Variants in C12orf56 observed in about 807,000 individuals in gnomAD.
The protein encoded by C12orf56 is chromosome 12 open reading frame 56, also known as uncharacterized protein C12orf56.
Under a neutral mutation model 69.9 loss-of-function variants are expected in C12orf56, and 71 were observed. The observed-to-expected ratio is 1.02, with a 90% CI of 0.84 to 1.24. C12orf56 has a LOEUF of 1.24. Ranked by LOEUF, C12orf56 falls within the 50% of genes most tolerant of loss-of-function variation. The probability of loss-of-function intolerance (pLI) is 0.00; values close to 1 mark genes in which losing one functional copy is unlikely to be tolerated. For missense variants in C12orf56, 732 were observed against 738.5 expected, an observed-to-expected ratio of 0.99 and a Z score of 0.10; for synonymous variants, 276 against 274.1, an observed-to-expected ratio of 1.01 and a Z score of -0.07.
intron 11 of C12orf56, among the ~76,000 whole-genome samples, chr12:64,270,926 G>T (rs1184101966): frequency 6.6e-6 from 1 of 152,162 alleles, no homozygotes; most frequent in Non-Finnish European, 1.5e-5. Context: ...CCAGCACTTT[G>T]GGAGACCAAG....
intron 3 of C12orf56, among the ~76,000 whole-genome samples, chr12:64,319,921 T>C (rs1472380574): frequency 6.6e-6 from 1 of 152,176 alleles, no homozygotes; most frequent in Admixed American, 6.5e-5. Context: ...ACTGTCTTTT[T>C]GTCTGTTTGT....
chr12:64,325,816 T>A (rs556182511), intron 3 of C12orf56, among the ~76,000 whole-genome samples: 1 of 151,698 alleles, frequency 6.6e-6, no homozygotes, highest in East Asian at 1.9e-4. Flanking sequence ...GAAAAAAGAG[T>A]TTCAATCTAC....
intron 1 of C12orf56, among the ~76,000 whole-genome samples, chr12:64,387,077 C>CAAAGAA (rs2039802855): frequency 2.4e-5 from 1 of 42,086 alleles, no homozygotes; most frequent in Non-Finnish European, 3.8e-5. Flanking sequence ...GACTCTATCT[C>CAAAGAA]AAAAAAAAAA....
intron 6 of C12orf56, among the ~76,000 whole-genome samples, chr12:64,300,693 G>A (rs1361789979): frequency 2.0e-5 from 3 of 152,156 alleles, no homozygotes; most frequent in Non-Finnish European, 4.4e-5. Context: ...AAATGTTTGT[G>A]CAGACATCCA....
intron 1 of C12orf56, among the ~76,000 whole-genome samples, chr12:64,376,847 T>C (rs2039648151): frequency 6.6e-6 from 1 of 152,142 alleles, no homozygotes; most frequent in South Asian, 2.1e-4. Flanking sequence ...ACATTTTCTT[T>C]TTTTTTTCTT....
At chr12:64,281,210 T>A (rs2038121077) in intron 8 of C12orf56, among the ~76,000 whole-genome samples, 1 of 151,594 alleles carries the variant, frequency 6.6e-6, no homozygotes, top group Admixed American at 6.6e-5. Context: ...GGGGCGGAGA[T>A]TACAGTCAGC....
At chr12:64,284,038 C>T (rs1429566540) in intron 8 of C12orf56, among the ~76,000 whole-genome samples, 1 of 151,608 alleles carries the variant, frequency 6.6e-6, no homozygotes, top group Non-Finnish European at 1.5e-5. Flanking sequence ...GCTGGGATTA[C>T]AAGTGCGCAC....
At chr12:64,269,063 C>T (rs1167619177) in intron 12 of C12orf56, among the ~76,000 whole-genome samples, 1 of 150,996 alleles carries the variant, frequency 6.6e-6, no homozygotes, top group Non-Finnish European at 1.5e-5. Context: ...TTGCTTGAGC[C>T]CAGGAGGCAG....
intron 5 of C12orf56, among the ~76,000 whole-genome samples, chr12:64,308,947 G>GAAAGAAAGAAAGAAAGAAA (rs2038565766): frequency 5.8e-4 from 39 of 67,762 alleles, no homozygotes; most frequent in South Asian, 1.9e-3. Context: ...AAAGAAGAAA[G>GAAAGAAAGAAAGAAAGAAA]AAAGAAAGAA....
chr12:64,339,664 G>A (rs1375128114), intron 2 of C12orf56, among the ~76,000 whole-genome samples: 2 of 152,134 alleles, frequency 1.3e-5, no homozygotes, highest in Non-Finnish European at 2.9e-5. Context: ...CCAGGCTCAA[G>A]TGACTCTCCC....
intron 3 of C12orf56, among the ~76,000 whole-genome samples, chr12:64,322,004 T>TTTATTATTA (rs71092955): frequency 6.7e-6 from 1 of 148,498 alleles, no homozygotes; most frequent in African/African-American, 2.5e-5. Context: ...ATTTATTTAA[T>TTTATTATTA]TTATTATTAT....
intron 2 of C12orf56, among the ~76,000 whole-genome samples, chr12:64,346,569 T>G (rs919133590): frequency 6.6e-6 from 1 of 152,166 alleles, no homozygotes; most frequent in Non-Finnish European, 1.5e-5. Flanking sequence ...TAAGTAGGCA[T>G]GAGTTATTAA....
chr12:64,357,799 G>C (rs998093842), intron 1 of C12orf56, among the ~76,000 whole-genome samples: 1 of 151,944 alleles, frequency 6.6e-6, no homozygotes, highest in Admixed American at 6.6e-5. Context: ...TAATCAGGAG[G>C]CTGAGGCAGA....
intron 8 of C12orf56, among the ~76,000 whole-genome samples, chr12:64,279,024 G>C (rs60201140): frequency 0.019 from 2,874 of 152,224 alleles, 92 homozygotes; most frequent in African/African-American, 0.065. Context: ...TTGCTGGACA[G>C]TAAGTTTGCT....
In C12orf56 at chr12:64,318,382, G is replaced by C. The variant is rs534109779; in HGVS notation, c.894+193C>G. The stretch of plus-strand genomic sequence containing the variant: ...CCGTCCAGAAACTGCTCATTAATGA[G>C]CATTTTTCCCTATTGCAATCGCCTA... On this transcript the variant is annotated intron_variant, in intron 4 of 12. Coordinates refer to ENST00000543942, the MANE Select transcript of C12orf56 (RefSeq NM_001170633.2). Among the ~76,000 whole-genome samples the C allele has an allele frequency of 1.1e-4, 16 of 152,146 alleles. 1 individual carries two copies. Among genetic ancestry groups the C allele is most frequent in the African/African-American group, 3.9e-4 (16 of 41,506 alleles).
At chr12:64,283,467 A>G (rs971526120) in intron 8 of C12orf56, among the ~76,000 whole-genome samples, 2 of 152,208 alleles carry the variant, frequency 1.3e-5, no homozygotes, top group Non-Finnish European at 2.9e-5. Flanking sequence ...TTAATAACAG[A>G]TGTCCCCATT....
Position 64,331,034 on chromosome 12 carries a change from T to A in C12orf56, c.416-2A>T, listed in dbSNP as rs560444106. The A allele has an allele frequency of 1.3e-4, 189 of 1,506,738 alleles. 1 individual carries two copies. In the South Asian group the frequency reaches 2.2e-3, roughly 17 times the overall value. 93.3% of individuals were successfully genotyped at this position (1,506,738 alleles called of 1,614,324 possible). ...CAAGGCCGTTCTTTTCTTCCTTGAC[T>A]TAAAAAAAAAATAGTTATTTGGTCA... On this transcript the variant is annotated splice_acceptor_variant, in intron 2 of 12. Coordinates refer to ENST00000543942, the MANE Select transcript of C12orf56 (RefSeq NM_001170633.2). LOFTEE classifies it high-confidence loss of function.
At chr12:64,274,260 G>A (rs2038024091) in intron 11 of C12orf56, among the ~76,000 whole-genome samples, 1 of 152,096 alleles carries the variant, frequency 6.6e-6, no homozygotes, top group Non-Finnish European at 1.5e-5. Context: ...TGGTGGTGGG[G>A]AGAGGGATGG....
At chr12:64,287,423 G>T in intron 6 of C12orf56, among the ~76,000 whole-genome samples, 1 of 138,194 alleles carries the variant, frequency 7.2e-6, no homozygotes, top group Non-Finnish European at 1.5e-5. Flanking sequence ...ATGTATACAT[G>T]TGCCATGCTG....
Sources: gnomAD v4.1 joint callset for allele counts (sites outside exome capture counted in the v4.1 genomes callset) on GRCh38, gnomAD v4.1.1 for gene constraint, MANE v1.5 for transcripts, NCBI Gene and HGNC (gene_info 2026-07-23, HGNC 2026-07-21) for gene names.